Variants in TAB3 observed in about 807,000 individuals in gnomAD.
The protein encoded by TAB3 is TGF-beta-activated kinase 1 and MAP3K7-binding protein 3.
In TAB3, 18 loss-of-function variants were observed where a neutral mutation model predicts 48.1. That is an observed-to-expected ratio of 0.37 (90% CI 0.26 to 0.55). TAB3 has a LOEUF of 0.55. Among genes scored for constraint, TAB3 ranks in the 20% least tolerant of loss-of-function variants. The probability of loss-of-function intolerance (pLI) is 0.78; values close to 1 mark genes in which losing one functional copy is unlikely to be tolerated. For synonymous variants in TAB3, 185 were observed against 190.2 expected (o/e 0.97, Z 0.22); for missense variants, 414 against 549.8 (o/e 0.75, Z 2.47).
chrX:30,885,036 T>C (rs1257723882), intron 1 of TAB3, among the ~76,000 whole-genome samples: 1 of 112,547 alleles, frequency 8.9e-6, no homozygotes, highest in Non-Finnish European at 1.9e-5. Context: ...TTTCAAAACA[T>C]GTGCCTAAAT....
intron 5 of TAB3, 33 bp from the exon 6 acceptor site, chrX:30,855,595 C>A: frequency 8.8e-7 from 1 of 1,138,533 alleles, no homozygotes; most frequent in Admixed American, 2.7e-5. Context: ...GTAACATTGG[C>A]AACATTAACA....
In TAB3 at chrX:30,855,188, C is replaced by T. The variant is rs751503044; in HGVS notation, c.477G>A (p.Gln159=). The T allele has an allele frequency of 8.3e-7, 1 of 1,209,793 alleles. No homozygotes were observed. The highest frequency in any genetic ancestry group is 1.8e-5 in the African/African-American group (1 of 57,083). Residue 159 remains glutamine, a synonymous_variant, in exon 6 of 11, where the codon CAG becomes CAA. Transcript: ENST00000288422. ...TCATTCCTGTTTGCATGGAAGATGG[C>T]TGTTGAGGTGGTTGTGAAGGAGGAG... ...AATPPSQPPQ[Q]PSSMQTGMNP...
intron 1 of TAB3, among the ~76,000 whole-genome samples, chrX:30,881,214 G>C (rs1259548889): frequency 9.0e-6 from 1 of 110,769 alleles, no homozygotes; most frequent in African/African-American, 3.3e-5. Flanking sequence ...GCAGGGATGG[G>C]GGTGGAGGGG....
chrX:30,853,821 T>C (rs1275438509), intron 6 of TAB3, among the ~76,000 whole-genome samples: 1 of 111,623 alleles, frequency 9.0e-6, no homozygotes, highest in Non-Finnish European at 1.9e-5. Flanking sequence ...ATTGCAGGCA[T>C]GCGCCACCAC....
intron 1 of TAB3, among the ~76,000 whole-genome samples, chrX:30,887,972 G>A (rs763908754): frequency 1.4e-4 from 16 of 112,083 alleles, no homozygotes; most frequent in African/African-American, 4.9e-4. Flanking sequence ...GCATGTATAT[G>A]TATGTGCCTG....
At chrX:30,888,772 G>A (rs1200239470) in intron 1 of TAB3, among the ~76,000 whole-genome samples, 1 of 112,772 alleles carries the variant, frequency 8.9e-6, no homozygotes, top group Admixed American at 9.2e-5. Flanking sequence ...CCGGTCCACA[G>A]AGGCTCACTC....
intron 5 of TAB3, among the ~76,000 whole-genome samples, chrX:30,855,952 A>T (rs937827381): frequency 1.8e-5 from 2 of 111,919 alleles, no homozygotes; most frequent in Non-Finnish European, 3.8e-5. Flanking sequence ...AAGTATAAGT[A>T]ATATCCATTA....
Position 30,846,595 on chromosome X carries a change from T to C in TAB3, c.1760A>G (p.Asn587Ser). Residue 587 changes from asparagine to serine, a missense_variant, in exon 8 of 11, where the codon AAT becomes AGT. Asn to Ser is a conservative substitution (Grantham distance 46, BLOSUM62 1). Coordinates refer to ENST00000288422, the MANE Select transcript of TAB3 (RefSeq NM_152787.5). The stretch of plus-strand genomic sequence containing the variant: ...AACTTCTTTCAGTGTACAGTCAACA[T>C]TTATCTGGAGTTGTCTGTTCATGCT... Reference protein sequence around the residue: ...LRSMNRQLQINVDCTLKEVDL... With the variant: ...LRSMNRQLQISVDCTLKEVDL... 8.3e-7 allele frequency: 1 copy of C among 1,205,523 alleles called. No individual in the cohort carries two copies. Among genetic ancestry groups the C allele is most frequent in the Admixed American group, 2.2e-5 (1 of 45,840 alleles).
intron 9 of TAB3, chrX:30,834,978 A>G (rs1314607261): frequency 8.4e-6 from 1 of 118,372 alleles, no homozygotes; most frequent in East Asian, 2.8e-4. Context: ...CCAACTCGAT[A>G]TAATAGTATA....
At chrX:30,862,535 A>C (rs1488319573) in intron 4 of TAB3, among the ~76,000 whole-genome samples, 1 of 111,790 alleles carries the variant, frequency 8.9e-6, no homozygotes, top group East Asian at 2.8e-4. Flanking sequence ...TATACTTCAG[A>C]GATCTTGAGA....
At chrX:30,843,087 C>A (rs373068267) in intron 8 of TAB3, 38 bp from the exon 9 acceptor site, 1 of 793,901 alleles carries the variant, frequency 1.3e-6, no homozygotes. Flanking sequence ...TTTAAGAACT[C>A]TTTTTTCCTG....
intron 4 of TAB3, among the ~76,000 whole-genome samples, chrX:30,866,113 A>G (rs1193281951): frequency 5.4e-5 from 6 of 111,749 alleles, no homozygotes; most frequent in African/African-American, 2.0e-4. Flanking sequence ...TGTAAGTCTC[A>G]AGAGATATAC....
At chrX:30,867,978 C>T (rs1198767644) in intron 2 of TAB3, among the ~76,000 whole-genome samples, 1 of 104,855 alleles carries the variant, frequency 9.5e-6, no homozygotes, top group Non-Finnish European at 1.9e-5. Context: ...CTCACTGCAG[C>T]CTCAACCTCC....
At chrX:30,860,842 T>C (rs1389796573) in intron 4 of TAB3, among the ~76,000 whole-genome samples, 1 of 112,060 alleles carries the variant, frequency 8.9e-6, no homozygotes, top group Admixed American at 9.5e-5. Context: ...TTTCCTGTTT[T>C]CTGAATTGAT....
chrX:30,878,791 T>C (rs1052436271), intron 1 of TAB3, among the ~76,000 whole-genome samples: 3 of 111,265 alleles, frequency 2.7e-5, no homozygotes, highest in Admixed American at 9.5e-5. Context: ...AGAAACAAAA[T>C]ACAAAAAATA....
At chrX:30,871,968 G>C (rs1939674045) in intron 1 of TAB3, among the ~76,000 whole-genome samples, 167 bp from the exon 2 acceptor site, 1 of 112,337 alleles carries the variant, frequency 8.9e-6, no homozygotes, top group Non-Finnish European at 1.9e-5. Flanking sequence ...GATACTAAGA[G>C]AAAGTTTTCC....
chrX:30,837,989 G>A (rs1221041389), intron 9 of TAB3, among the ~76,000 whole-genome samples: 3 of 112,249 alleles, frequency 2.7e-5, no homozygotes, highest in Middle Eastern at 4.6e-3. Flanking sequence ...GTGTGACTGG[G>A]GGGTATAAAC....
intron 5 of TAB3, among the ~76,000 whole-genome samples, chrX:30,858,205 G>A (rs1004657553): frequency 4.5e-5 from 5 of 112,062 alleles, no homozygotes; most frequent in African/African-American, 6.5e-5. Flanking sequence ...AAAAATGCAG[G>A]TAATAAAGGG....
At chrX:30,844,768 C>T (rs1265491166) in intron 8 of TAB3, 1 of 112,368 alleles carries the variant, frequency 8.9e-6, no homozygotes, top group Non-Finnish European at 1.9e-5. Context: ...TTGCTTCTGT[C>T]TGTTGTTCAG....
Sources: allele counts gnomAD v4.1 joint callset (sites outside exome capture counted in the v4.1 genomes callset), GRCh38; gene constraint gnomAD v4.1.1; transcripts MANE v1.5; gene names NCBI Gene and HGNC (gene_info 2026-07-23, HGNC 2026-07-21).